Variants in HDAC9 observed in about 807,000 individuals in gnomAD.
HDAC9 encodes the protein MEF-2 interacting transcription repressor (MITR) protein.
HDAC9 carries 41 observed loss-of-function variants against 139.4 expected under a neutral mutation model. That is an observed-to-expected ratio of 0.29 (90% CI 0.23 to 0.38). HDAC9 has a LOEUF of 0.38. Among genes scored for constraint, HDAC9 ranks in the 10% least tolerant of loss-of-function variants. HDAC9 has a pLI of 1.00. For synonymous variants in HDAC9, 517 were observed against 476.2 expected, an observed-to-expected ratio of 1.09 and a Z score of -1.12; for missense variants, 1,147 against 1,297.0, an observed-to-expected ratio of 0.88 and a Z score of 1.78.
intron 8 of HDAC9, among the ~76,000 whole-genome samples, chr7:18,639,308 C>T (rs1173219267): frequency 6.6e-6 from 1 of 151,806 alleles, no homozygotes; most frequent in Non-Finnish European, 1.5e-5. Context: ...AAAACACGTT[C>T]CCCCCACCCC....
chr7:18,690,261 C>G (rs1167451871), intron 12 of HDAC9, among the ~76,000 whole-genome samples: 1 of 151,966 alleles, frequency 6.6e-6, no homozygotes, highest in Non-Finnish European at 1.5e-5. Context: ...TTATAATACG[C>G]CAAGATGCAA....
chr7:18,520,448 C>T (rs760972632), intron 2 of HDAC9, among the ~76,000 whole-genome samples: 1 of 152,106 alleles, frequency 6.6e-6, no homozygotes, highest in Non-Finnish European at 1.5e-5. Context: ...GGCAACTAAG[C>T]AAGCCTAAAT....
chr7:18,991,125 C>G (rs1055719922), intron 25 of HDAC9, among the ~76,000 whole-genome samples: 1 of 152,150 alleles, frequency 6.6e-6, no homozygotes, highest in African/African-American at 2.4e-5. Context: ...AATTATCATA[C>G]TTGTAAAGAG....
chr7:18,524,126 G>A (rs985415887), intron 2 of HDAC9, among the ~76,000 whole-genome samples: 1 of 152,026 alleles, frequency 6.6e-6, no homozygotes, highest in African/African-American at 2.4e-5. Flanking sequence ...AAGTATGGAA[G>A]GTATATAGAG....
intron 2 of HDAC9, among the ~76,000 whole-genome samples, chr7:18,229,863 C>G (rs891202230): frequency 2.6e-5 from 4 of 152,096 alleles, no homozygotes; most frequent in African/African-American, 9.7e-5. Flanking sequence ...CTAACTGGGT[C>G]ATTGATTTTA....
rs1326316841 is a variant in HDAC9 at position 18,922,387 on chromosome 7, ATGT to A, written c.2804-13418_2804-13416del. Among the ~76,000 whole-genome samples, 3 of 152,128 alleles carry A rather than the reference ATGT, an allele frequency of 2.0e-5. No homozygotes were observed. In the East Asian group the frequency reaches 5.8e-4, roughly 29 times the overall value. On this transcript the variant is annotated intron_variant, in intron 22 of 25. Coordinates refer to ENST00000686413, the MANE Select transcript of HDAC9 (RefSeq NM_178425.4). ...TTTCTTTTTCCCAAAAAAATAAAAA[ATGT>A]TGTGAGAGGATCAACTCAAATAACA...
intron 11 of HDAC9, among the ~76,000 whole-genome samples, chr7:18,655,708 T>C (rs1790909765): frequency 6.6e-6 from 1 of 152,200 alleles, no homozygotes. Context: ...CTTTCATAAC[T>C]TGGAGACCAA....
chr7:18,499,506 G>A (rs1187191357), intron 2 of HDAC9, among the ~76,000 whole-genome samples: 2 of 152,074 alleles, frequency 1.3e-5, no homozygotes, highest in South Asian at 4.1e-4. Flanking sequence ...CCCTACTTTT[G>A]TGGCTTGTGT....
chr7:18,818,605 G>A lies in HDAC9; in HGVS notation c.2323-10556G>A, dbSNP rs116850086. ...GCTAGCAGGACTACTGGGTATTAAA[G>A]GTAGTATTAATTTAAGTTCTGGCTC... On this transcript the variant is annotated intron_variant, in intron 17 of 25. Coordinates refer to ENST00000686413, the MANE Select transcript of HDAC9 (RefSeq NM_178425.4). Among the ~76,000 whole-genome samples the A allele has an allele frequency of 3.6e-3, 541 of 152,256 alleles. 3 individuals are homozygous for A. Among genetic ancestry groups the A allele is most frequent in the Non-Finnish European group, 5.8e-3 (394 of 68,026 alleles).
At chr7:18,575,832 A>G (rs1825794604) in intron 2 of HDAC9, among the ~76,000 whole-genome samples, 1 of 152,148 alleles carries the variant, frequency 6.6e-6, no homozygotes, top group Non-Finnish European at 1.5e-5. Flanking sequence ...TCTTGTGACT[A>G]TTATTCATTC....
chr7:18,476,408 T>C (rs1795115659), intron 1 of HDAC9, among the ~76,000 whole-genome samples: 1 of 152,078 alleles, frequency 6.6e-6, no homozygotes, highest in Non-Finnish European at 1.5e-5. Flanking sequence ...AGATGTATCA[T>C]GGCAGAATAT....
chr7:18,621,292 A>G (rs1031008690), intron 6 of HDAC9, among the ~76,000 whole-genome samples: 1 of 151,818 alleles, frequency 6.6e-6, no homozygotes, highest in Non-Finnish European at 1.5e-5. Context: ...TACATAACAC[A>G]AAGGGAACAT....
intron 24 of HDAC9, among the ~76,000 whole-genome samples, chr7:18,966,886 ATTTGT>A (rs1181051638): frequency 1.3e-5 from 2 of 152,188 alleles, no homozygotes; most frequent in Non-Finnish European, 2.9e-5. Context: ...CTATGTGTAT[ATTTGT>A]TTTATGTTTT....
chr7:18,966,628 G>A (rs1783870862), intron 24 of HDAC9, among the ~76,000 whole-genome samples: 1 of 152,092 alleles, frequency 6.6e-6, no homozygotes, highest in African/African-American at 2.4e-5. Context: ...TTGAACCCGG[G>A]AGGCAGAGGT....
chr7:18,744,388 C>G (rs539299531), intron 13 of HDAC9, among the ~76,000 whole-genome samples: 41 of 152,248 alleles, frequency 2.7e-4, no homozygotes, highest in African/African-American at 9.6e-4. Flanking sequence ...TCTGCATCTT[C>G]CAGGAGAATG....
At chr7:18,788,842 G>A (rs1287315899) in intron 16 of HDAC9, among the ~76,000 whole-genome samples, 2 of 151,064 alleles carry the variant, frequency 1.3e-5, no homozygotes, top group African/African-American at 2.4e-5. Context: ...TTTCTCTCTC[G>A]TTTGCTCACA....
chr7:18,946,436 A>T (rs953671330), intron 23 of HDAC9, among the ~76,000 whole-genome samples: 6 of 152,154 alleles, frequency 3.9e-5, no homozygotes, highest in Non-Finnish European at 8.8e-5. Flanking sequence ...TAATATAATT[A>T]TAAGGAAACT....
chr7:18,925,015 G>C (rs1209850686), intron 22 of HDAC9, among the ~76,000 whole-genome samples: 1 of 152,076 alleles, frequency 6.6e-6, no homozygotes, highest in Non-Finnish European at 1.5e-5. Context: ...GTTTTTTGAA[G>C]GGGTGATATA....
chr7:18,706,199 G>A (rs1202694505), intron 12 of HDAC9, among the ~76,000 whole-genome samples: 1 of 103,900 alleles, frequency 9.6e-6, no homozygotes, highest in African/African-American at 3.7e-5. Flanking sequence ...TATTCTCCCT[G>A]AGCCGCAATA....
Sources: gnomAD v4.1 joint callset for allele counts (sites outside exome capture counted in the v4.1 genomes callset) on GRCh38, gnomAD v4.1.1 for gene constraint, MANE v1.5 for transcripts, NCBI Gene and HGNC (gene_info 2026-07-23, HGNC 2026-07-21) for gene names.